ATRNL1: variants seen among roughly 807,000 people sequenced by gnomAD.
The protein encoded by ATRNL1 is attractin like 1.
Under a neutral mutation model 182.7 loss-of-function variants are expected in ATRNL1, and 95 were observed. The ratio of observed to expected loss-of-function variants is 0.52; its 90% CI spans 0.44 to 0.62. The LOEUF (loss-of-function observed/expected upper bound fraction) is 0.62. Among genes scored for constraint, ATRNL1 ranks in the 20% least tolerant of loss-of-function variants. ATRNL1 has a pLI of 0.00. For missense variants in ATRNL1, 1,471 were observed against 1,679.5 expected (o/e 0.88, Z 2.17); for synonymous variants, 576 against 568.3 (o/e 1.01, Z -0.19).
chr10:115,790,103 G>T (rs539674613), intron 27 of ATRNL1, among the ~76,000 whole-genome samples: 4 of 151,622 alleles, frequency 2.6e-5, no homozygotes, highest in African/African-American at 9.7e-5. Flanking sequence ...ACATTTTCTT[G>T]TACATTTGTG....
chr10:115,467,316 G>A, intron 23 of ATRNL1, 64 bp downstream of exon 23: 1 of 1,119,064 alleles, frequency 8.9e-7, no homozygotes, highest in East Asian at 2.6e-5. Context: ...GTTCTAACAT[G>A]ATCTACTGTT....
intron 14 of ATRNL1, among the ~76,000 whole-genome samples, chr10:115,281,774 A>G (rs1852372851): frequency 6.6e-6 from 1 of 151,592 alleles, no homozygotes; most frequent in Non-Finnish European, 1.5e-5. Context: ...AAGCACTCAG[A>G]CTTAATATTC....
At chr10:115,336,983 G>A (rs868916273) in intron 19 of ATRNL1, among the ~76,000 whole-genome samples, 1,619 of 146,854 alleles carry the variant, frequency 0.011, 14 homozygotes, top group South Asian at 0.032. Context: ...GTAGCTGGGG[G>A]GGGGGGACTA....
At chr10:115,279,926 G>T (rs1395452520) in intron 13 of ATRNL1, among the ~76,000 whole-genome samples, 1 of 152,120 alleles carries the variant, frequency 6.6e-6, no homozygotes, top group Non-Finnish European at 1.5e-5. Flanking sequence ...GGTGAGGCAC[G>T]ACAGACAGTT....
intron 26 of ATRNL1, among the ~76,000 whole-genome samples, chr10:115,565,593 A>T (rs2133849608): frequency 6.6e-6 from 1 of 152,166 alleles, no homozygotes; most frequent in South Asian, 2.1e-4. Context: ...TTTGGTCCTA[A>T]TGGCTTGCTT....
intron 10 of ATRNL1, among the ~76,000 whole-genome samples, chr10:115,264,722 G>C (rs949764348): frequency 6.6e-6 from 1 of 151,462 alleles, no homozygotes; most frequent in African/African-American, 2.4e-5. Flanking sequence ...TCATTAAAGT[G>C]ATTTAAATGT....
chr10:115,431,149 G>A (rs1401855797), intron 21 of ATRNL1, among the ~76,000 whole-genome samples: 1 of 152,148 alleles, frequency 6.6e-6, no homozygotes, highest in African/African-American at 2.4e-5. Flanking sequence ...GCTCACGCCT[G>A]TAATGCCAAC....
At chr10:115,634,740 TA>T (rs1448560643) in intron 26 of ATRNL1, among the ~76,000 whole-genome samples, 4 of 152,112 alleles carry the variant, frequency 2.6e-5, no homozygotes, top group African/African-American at 9.7e-5. Context: ...CTCAAGAGTT[TA>T]AAAATAGATG....
intron 19 of ATRNL1, among the ~76,000 whole-genome samples, chr10:115,337,195 T>G (rs1855530990): frequency 6.6e-6 from 1 of 152,028 alleles, no homozygotes; most frequent in Non-Finnish European, 1.5e-5. Context: ...AGAATTCAAT[T>G]TTTAATTTTG....
intron 28 of ATRNL1, among the ~76,000 whole-genome samples, chr10:115,941,316 A>G (rs1555124210): frequency 6.6e-6 from 1 of 152,246 alleles, no homozygotes; most frequent in Non-Finnish European, 1.5e-5. Context: ...TCCAAGTTTC[A>G]GAATCATTAG....
chr10:115,495,762 T>C (rs1453001251), intron 24 of ATRNL1, among the ~76,000 whole-genome samples: 1 of 151,994 alleles, frequency 6.6e-6, no homozygotes, highest in African/African-American at 2.4e-5. Flanking sequence ...AATATCAGAG[T>C]ATGTGCTATT....
chr10:115,555,259 T>G (rs1456567185), intron 26 of ATRNL1, among the ~76,000 whole-genome samples: 4 of 151,666 alleles, frequency 2.6e-5, no homozygotes, highest in Non-Finnish European at 4.4e-5. Flanking sequence ...TAAGGGGGAG[T>G]TATACTGGGC....
chr10:115,538,134 ACTTAT>A, intron 25 of ATRNL1, among the ~76,000 whole-genome samples: 1 of 152,304 alleles, frequency 6.6e-6, no homozygotes, highest in South Asian at 2.1e-4. Flanking sequence ...AGTTTTTGGT[ACTTAT>A]AAATAATGCT....
intron 13 of ATRNL1, among the ~76,000 whole-genome samples, chr10:115,278,406 C>A (rs1242231649): frequency 6.6e-6 from 1 of 152,212 alleles, no homozygotes; most frequent in African/African-American, 2.4e-5. Flanking sequence ...GCTTCGGACA[C>A]CTCCAGCTAT....
intron 15 of ATRNL1, among the ~76,000 whole-genome samples, chr10:115,286,887 C>T (rs1852643883): frequency 6.6e-6 from 1 of 151,844 alleles, no homozygotes; most frequent in South Asian, 2.1e-4. Flanking sequence ...GGCATAACAG[C>T]TATTCAATAA....
chr10:115,673,732 C>T (rs1427226699), intron 26 of ATRNL1, among the ~76,000 whole-genome samples: 2 of 152,076 alleles, frequency 1.3e-5, no homozygotes, highest in African/African-American at 4.8e-5. Flanking sequence ...TGTGACTTTG[C>T]TCCTTCCCCA....
At chr10:115,631,661 A>C (rs991151974) in intron 26 of ATRNL1, among the ~76,000 whole-genome samples, 13 of 152,110 alleles carry the variant, frequency 8.5e-5, no homozygotes, top group African/African-American at 3.1e-4. Flanking sequence ...GGAGTTTTCA[A>C]AGCATCAAAG....
chr10:115,817,098 G>A (rs1950182540), intron 27 of ATRNL1, among the ~76,000 whole-genome samples: 1 of 151,892 alleles, frequency 6.6e-6, no homozygotes, highest in South Asian at 2.1e-4. Flanking sequence ...GAATCCCCAA[G>A]GCCTCCATCT....
At chr10:115,597,754 G>T (rs11197327) in intron 26 of ATRNL1, 1 of 429,004 alleles carries the variant, frequency 2.3e-6, no homozygotes, top group Non-Finnish European at 4.6e-6. Flanking sequence ...CACCATGTTG[G>T]CCAGACTGGA....
Sources: allele counts gnomAD v4.1 joint callset (sites outside exome capture counted in the v4.1 genomes callset), GRCh38; gene constraint gnomAD v4.1.1; transcripts MANE v1.5; gene names NCBI Gene and HGNC (gene_info 2026-07-23, HGNC 2026-07-21).